HACD1: variants seen among roughly 807,000 people sequenced by gnomAD.
The protein encoded by HACD1 is very-long-chain (3R)-3-hydroxyacyl-CoA dehydratase 1.
A neutral mutation model predicts 32.0 loss-of-function variants in HACD1; 41 were observed. The ratio of observed to expected loss-of-function variants is 1.28; its 90% CI spans 1.00 to 1.66. HACD1 has a LOEUF of 1.66. HACD1 is among the 40% of genes most tolerant of loss of function. HACD1 has a pLI of 0.00. For synonymous variants in HACD1, 142 were observed against 139.0 expected (o/e 1.02, Z -0.15); for missense variants, 396 against 380.1 (o/e 1.04, Z -0.35).
intron 6 of HACD1, among the ~76,000 whole-genome samples, chr10:17,592,717 AG>A (rs1246053892): frequency 6.6e-6 from 1 of 152,222 alleles, no homozygotes; most frequent in African/African-American, 2.4e-5. Context: ...GTTCTGTTCA[AG>A]TAATGCTACC....
intron 1 of HACD1, among the ~76,000 whole-genome samples, chr10:17,607,016 C>T (rs1274568217): frequency 6.6e-6 from 1 of 152,082 alleles, no homozygotes; most frequent in Non-Finnish European, 1.5e-5. Flanking sequence ...CGGTCTGGCT[C>T]TAAGTATATA....
At chr10:17,595,930 G>A (rs1240720717) in intron 5 of HACD1, among the ~76,000 whole-genome samples, 1 of 152,024 alleles carries the variant, frequency 6.6e-6, no homozygotes, top group Non-Finnish European at 1.5e-5. Context: ...AGGGGGCAGT[G>A]AGCCAAGACC....
intron 1 of HACD1, among the ~76,000 whole-genome samples, chr10:17,609,181 G>C (rs1834193070): frequency 7.1e-6 from 1 of 141,266 alleles, no homozygotes; most frequent in Non-Finnish European, 1.5e-5. Context: ...TTGAGACAGA[G>C]TCTTGCTCTG....
At chr10:17,608,775 C>G (rs1193277505) in intron 1 of HACD1, among the ~76,000 whole-genome samples, 6 of 152,194 alleles carry the variant, frequency 3.9e-5, no homozygotes, top group African/African-American at 1.4e-4. Context: ...ACGTGAGCCG[C>G]CACGTCTGGC....
chr10:17,604,480 CAAAA>C (rs11354623), intron 1 of HACD1, among the ~76,000 whole-genome samples: 1 of 82,316 alleles, frequency 1.2e-5, no homozygotes, highest in African/African-American at 4.6e-5. Flanking sequence ...CTGTCCGTCT[CAAAA>C]AAAAAAAAAA....
At chr10:17,595,998 T>C (rs1235593351) in intron 5 of HACD1, among the ~76,000 whole-genome samples, 1 of 151,938 alleles carries the variant, frequency 6.6e-6, no homozygotes, top group Non-Finnish European at 1.5e-5. Context: ...AAAAAATAAA[T>C]TTAATTTAAA....
intron 5 of HACD1, chr10:17,598,940 C>G (rs2131508546): frequency 6.1e-6 from 1 of 164,558 alleles, no homozygotes; most frequent in Non-Finnish European, 1.3e-5. Flanking sequence ...AAATAATTTA[C>G]ATCACAGACA....
intron 1 of HACD1, among the ~76,000 whole-genome samples, chr10:17,609,071 C>T (rs1186464767): frequency 4.0e-5 from 6 of 151,522 alleles, no homozygotes; most frequent in African/African-American, 7.3e-5. Context: ...TGGTAAAGCA[C>T]TTGTGTCCAG....
At chr10:17,594,439 C>T (rs1833968959) in intron 5 of HACD1, 56 bp from the exon 6 acceptor site, 2 of 1,298,766 alleles carry the variant, frequency 1.5e-6, no homozygotes, top group East Asian at 2.5e-5. Flanking sequence ...TTAGACTTTA[C>T]ATTGCAGGTC....
At chr10:17,611,762 C>A (rs535200344) in intron 1 of HACD1, among the ~76,000 whole-genome samples, 1 of 152,086 alleles carries the variant, frequency 6.6e-6, no homozygotes, top group East Asian at 1.9e-4. Context: ...GTTAGGAGAT[C>A]GAGACCATCC....
At chr10:17,607,420 T>G (rs1414561183) in intron 1 of HACD1, among the ~76,000 whole-genome samples, 1 of 152,196 alleles carries the variant, frequency 6.6e-6, no homozygotes, top group Non-Finnish European at 1.5e-5. Flanking sequence ...AGTATTATGA[T>G]TTCATTATCT....
chr10:17,617,296 C>G lies in HACD1; in HGVS notation c.44G>C (p.Arg15Pro). 2.8e-6 allele frequency: 4 copies of G among 1,454,380 alleles called. No homozygotes were observed. The highest frequency in any genetic ancestry group is 3.6e-6 in the Non-Finnish European group (4 of 1,109,370). The allele number at this position is 1,454,380 out of a possible 1,614,324, so 90.1% of individuals were successfully genotyped here. A position where few individuals can be genotyped will look rare whatever the true frequency, so the allele number is the denominator to read the frequency against. The change falls in exon 1 of 7, where the codon CGG becomes CCG. Residue 15 changes from arginine to proline, a missense_variant. Arg to Pro is a moderately radical substitution (Grantham distance 103, BLOSUM62 -2). Coordinates refer to ENST00000361271, the MANE Select transcript of HACD1 (RefSeq NM_014241.4). ...TEAAAAGSGS[R>P]AAGWAGSPPT... Reference sequence around the variant, plus strand: ...AGGGGACCCTGCCCAGCCTGCAGCCCGAGAGCCGCTGCCCGCTGCCGCCGC... The same window carrying G: ...AGGGGACCCTGCCCAGCCTGCAGCCGGAGAGCCGCTGCCCGCTGCCGCCGC...
chr10:17,596,516 A>G (rs1333390169), intron 5 of HACD1, among the ~76,000 whole-genome samples: 1 of 150,524 alleles, frequency 6.6e-6, no homozygotes, highest in East Asian at 1.9e-4. Flanking sequence ...TTGTTCTTCA[A>G]TAGAAGAAAA....
At chr10:17,602,723 CTA>C (rs1554816656) in intron 4 of HACD1, among the ~76,000 whole-genome samples, 2 of 152,110 alleles carry the variant, frequency 1.3e-5, no homozygotes, top group African/African-American at 4.8e-5. Flanking sequence ...TTGCTATTAA[CTA>C]TAGTCACTAC....
At chr10:17,597,921 G>T (rs563205624) in intron 5 of HACD1, among the ~76,000 whole-genome samples, 1 of 151,942 alleles carries the variant, frequency 6.6e-6, no homozygotes, top group African/African-American at 2.4e-5. Flanking sequence ...GTGGTAAGCC[G>T]CAAGTGTCTA....
At chr10:17,614,847 G>C (rs977289304) in intron 1 of HACD1, among the ~76,000 whole-genome samples, 1 of 152,122 alleles carries the variant, frequency 6.6e-6, no homozygotes, top group Non-Finnish European at 1.5e-5. Context: ...CCCTCTCCCG[G>C]GTTCACGCCA....
intron 1 of HACD1, among the ~76,000 whole-genome samples, chr10:17,608,671 G>A (rs1194199751): frequency 6.6e-6 from 1 of 151,896 alleles, no homozygotes; most frequent in Non-Finnish European, 1.5e-5. Flanking sequence ...ATTTTTAGTA[G>A]AGATGGGGTT....
intron 4 of HACD1, among the ~76,000 whole-genome samples, chr10:17,599,761 C>T (rs1463838208): frequency 2.0e-5 from 3 of 152,158 alleles, no homozygotes; most frequent in East Asian, 1.9e-4. Flanking sequence ...GTAGGACCAA[C>T]GCTTGAATTG....
In HACD1 at chr10:17,591,600, GAACCAGTGTTTCA is replaced by G. The variant is rs571878959; in HGVS notation, c.785-1167_785-1155del. ...TTTGAAGAATATTTTGAACCAATTT[GAACCAGTGTTTCA>G]AACCAGTGTTTCATAGTATAAATGT... On this transcript the variant is annotated intron_variant, in intron 6 of 6. Coordinates refer to ENST00000361271, the MANE Select transcript of HACD1 (RefSeq NM_014241.4). 2.6e-3 allele frequency among the ~76,000 whole-genome samples: 401 copies of G among 152,302 alleles called. 3 individuals are homozygous for G. The Middle Eastern group carries it at 0.034, about 13-fold the overall frequency.
Sources: allele counts gnomAD v4.1 joint callset (sites outside exome capture counted in the v4.1 genomes callset), GRCh38; gene constraint gnomAD v4.1.1; transcripts MANE v1.5; gene names NCBI Gene and HGNC (gene_info 2026-07-23, HGNC 2026-07-21).